Variants in PPARGC1A observed in about 807,000 individuals in gnomAD.
PPARGC1A encodes the protein PPARG coactivator 1 alpha, also known as peroxisome proliferator-activated receptor gamma coactivator 1-alpha.
PPARGC1A carries 25 observed loss-of-function variants against 88.7 expected under a neutral mutation model. The observed-to-expected ratio is 0.28, with a 90% CI of 0.21 to 0.39. The LOEUF (loss-of-function observed/expected upper bound fraction) is 0.39. Among genes scored for constraint, PPARGC1A ranks in the 10% least tolerant of loss-of-function variants. PPARGC1A has a pLI of 1.00. For synonymous variants in PPARGC1A, 363 were observed against 355.6 expected (o/e 1.02, Z -0.24); for missense variants, 880 against 968.7 (o/e 0.91, Z 1.22).
the PPARGC1A span, among the ~76,000 whole-genome samples, chr4:23,920,504 T>C: frequency 6.6e-6 from 1 of 152,186 alleles, no homozygotes; most frequent in African/African-American, 2.4e-5. Flanking sequence ...GCCAGCAGCT[T>C]GGTGATGGAT....
the PPARGC1A span, among the ~76,000 whole-genome samples, chr4:24,013,300 T>G: frequency 4.6e-5 from 7 of 152,242 alleles, no homozygotes; most frequent in East Asian, 1.3e-3. Context: ...CAACGTTTGC[T>G]AAAAAATTAA....
chr4:24,049,365 T>C, the PPARGC1A span, among the ~76,000 whole-genome samples: 1 of 147,048 alleles, frequency 6.8e-6, no homozygotes, highest in African/African-American at 2.5e-5. Context: ...ATCAGGGAAG[T>C]AGAGAACCTG....
upstream of PPARGC1A, among the ~76,000 whole-genome samples, chr4:23,905,346 C>G (rs768606337): frequency 5.3e-5 from 8 of 152,194 alleles, no homozygotes; most frequent in Non-Finnish European, 1.0e-4. Flanking sequence ...TTATGGCATG[C>G]ATACATGTTA....
At chr4:24,079,044 T>C in the PPARGC1A span, among the ~76,000 whole-genome samples, 1 of 152,090 alleles carries the variant, frequency 6.6e-6, no homozygotes, top group African/African-American at 2.4e-5. Context: ...TAACCTATCA[T>C]TGGAAATTTA....
chr4:24,187,786 A>T, the PPARGC1A span, among the ~76,000 whole-genome samples: 1 of 152,224 alleles, frequency 6.6e-6, no homozygotes, highest in Non-Finnish European at 1.5e-5. Flanking sequence ...CTCATAGTCT[A>T]GCAGAGGAGA....
At chr4:24,128,031 C>A in the PPARGC1A span, among the ~76,000 whole-genome samples, 1 of 152,156 alleles carries the variant, frequency 6.6e-6, no homozygotes, top group Non-Finnish European at 1.5e-5. Flanking sequence ...CAAGTCAATG[C>A]ATCTGCACAC....
chr4:23,916,252 G>A, the PPARGC1A span, among the ~76,000 whole-genome samples: 2 of 152,200 alleles, frequency 1.3e-5, no homozygotes, highest in African/African-American at 4.8e-5. Context: ...TGGCATAGAT[G>A]TAAGGATCAA....
chr4:24,173,338 CAAAAAAAAAAA>C, the PPARGC1A span, among the ~76,000 whole-genome samples: 1 of 117,580 alleles, frequency 8.5e-6, no homozygotes, highest in Non-Finnish European at 1.8e-5. Flanking sequence ...CTTTCCCCAC[CAAAAAAAAAAA>C]AAAAAAAAGA....
chr4:24,165,511 C>A, the PPARGC1A span, among the ~76,000 whole-genome samples: 1 of 152,110 alleles, frequency 6.6e-6, no homozygotes, highest in Non-Finnish European at 1.5e-5. Flanking sequence ...CCAGATAATG[C>A]AATTTTTTTT....
the PPARGC1A span, among the ~76,000 whole-genome samples, chr4:24,414,912 G>A: frequency 3.4e-3 from 523 of 152,238 alleles, 1 homozygote; most frequent in African/African-American, 0.012. Context: ...AACCATGGCC[G>A]GACATGGTGG....
At chr4:24,038,292 C>T in the PPARGC1A span, among the ~76,000 whole-genome samples, 12 of 152,280 alleles carry the variant, frequency 7.9e-5, no homozygotes, top group Admixed American at 1.3e-4. Context: ...GTCACTTCCA[C>T]GTGAGATTAC....
the PPARGC1A span, among the ~76,000 whole-genome samples, chr4:24,127,564 GAT>G: frequency 3.3e-5 from 5 of 151,364 alleles, no homozygotes; most frequent in South Asian, 6.3e-4. Context: ...CGCGCGTGTG[GAT>G]ATATATATAG....
At chr4:24,402,534 G>A in the PPARGC1A span, among the ~76,000 whole-genome samples, 1 of 152,222 alleles carries the variant, frequency 6.6e-6, no homozygotes, top group Non-Finnish European at 1.5e-5. Flanking sequence ...GAGAATTAGT[G>A]AGGTCAGGTA....
chr4:24,087,291 C>A, the PPARGC1A span, among the ~76,000 whole-genome samples: 1 of 152,160 alleles, frequency 6.6e-6, no homozygotes, highest in Non-Finnish European at 1.5e-5. Flanking sequence ...GATCAAATAT[C>A]CAATTTCACT....
At chr4:24,020,923 A>C in the PPARGC1A span, among the ~76,000 whole-genome samples, 2 of 152,188 alleles carry the variant, frequency 1.3e-5, no homozygotes, top group Non-Finnish European at 2.9e-5. Context: ...TTACGAGTTA[A>C]AACCCTGCCT....
At chr4:24,450,151 C>T in the PPARGC1A span, among the ~76,000 whole-genome samples, 5,540 of 152,272 alleles carry the variant, frequency 0.036, 132 homozygotes, top group African/African-American at 0.061. Context: ...ATGACTGGGT[C>T]AAGTGGACAT....
the PPARGC1A span, among the ~76,000 whole-genome samples, chr4:24,280,153 A>G: frequency 6.6e-6 from 1 of 152,160 alleles, no homozygotes; most frequent in Non-Finnish European, 1.5e-5. Flanking sequence ...GTCCCTTCTC[A>G]TAGAGCAACT....
At chr4:24,211,724 C>A in the PPARGC1A span, among the ~76,000 whole-genome samples, 3 of 152,196 alleles carry the variant, frequency 2.0e-5, no homozygotes, top group South Asian at 6.2e-4. Context: ...TCCATCTCAT[C>A]TGTAAAATAG....
chr4:23,933,649 C>T, the PPARGC1A span, among the ~76,000 whole-genome samples: 8 of 152,220 alleles, frequency 5.3e-5, no homozygotes, highest in Admixed American at 5.2e-4. Context: ...AGACAGCTTT[C>T]TGGCTATCAC....
Sources: gnomAD v4.1 joint callset for allele counts (sites outside exome capture counted in the v4.1 genomes callset) on GRCh38, gnomAD v4.1.1 for gene constraint, MANE v1.5 for transcripts, NCBI Gene and HGNC (gene_info 2026-07-23, HGNC 2026-07-21) for gene names.